The following CEACAM6 variants were observed in gnomAD, a reference collection of about 807,000 sequenced individuals.
The protein encoded by CEACAM6 is CEA cell adhesion molecule 6.
Under a neutral mutation model 32.4 loss-of-function variants are expected in CEACAM6, and 21 were observed. The ratio of observed to expected loss-of-function variants is 0.65; its 90% CI spans 0.46 to 0.93. The LOEUF (loss-of-function observed/expected upper bound fraction) is 0.93. Ranked by LOEUF, CEACAM6 falls within the 40% of genes least tolerant of loss-of-function variation. The pLI is 0.00. For synonymous variants in CEACAM6, 184 were observed against 174.4 expected (o/e 1.06, Z -0.43); for missense variants, 406 against 432.2 (o/e 0.94, Z 0.54).
rs1369898243 is a variant in CEACAM6 at position 41,761,320 on chromosome 19, A to C, written c.496A>C (p.Thr166Pro). 1 of 1,613,998 alleles carries C rather than the reference A, an allele frequency of 6.2e-7. No individual in the cohort carries two copies. The highest frequency in any genetic ancestry group is 8.5e-7 in the Non-Finnish European group (1 of 1,180,024). The change falls in exon 3 of 6, where the codon ACC (threonine) becomes CCC (proline). Residue 166 changes from threonine (T) to proline (P), a missense_variant. By Grantham distance (38) the Thr-to-Pro change is conservative (BLOSUM62 -1). Transcript: ENST00000199764. ...GGAGGACAAGGATGCTGTGGCCTTC[A>C]CCTGTGAACCTGAGGTTCAGAACAC... ...PVEDKDAVAF[T>P]CEPEVQNTTY... is the part of the protein sequence containing the mutation.
chr19:41,769,235 G>A lies in CEACAM6; in HGVS notation c.*41-1567G>A, dbSNP rs570784616. Among the ~76,000 whole-genome samples, 78 of 152,178 alleles carry A rather than the reference G, an allele frequency of 5.1e-4. 1 individual carries two copies. The highest frequency in any genetic ancestry group is 1.7e-3 in the African/African-American group (71 of 41,524). ...GCTCGGATTACAGGCATGAACCACC[G>A]CGCCCAGCCCCGACAATTATTTTGA... On this transcript the variant is annotated intron_variant, in intron 5 of 5. Transcript: ENST00000199764.
intron 5 of CEACAM6, among the ~76,000 whole-genome samples, chr19:41,768,628 C>T (rs1435047952): frequency 2.0e-5 from 3 of 149,204 alleles, no homozygotes; most frequent in Non-Finnish European, 3.0e-5. Context: ...ACCTCCCAGA[C>T]GGGGTGGTGG....
At chr19:41,761,102 C>A in intron 2 of CEACAM6, 147 bp from the exon 3 acceptor site, 1 of 1,452,514 alleles carries the variant, frequency 6.9e-7, no homozygotes, top group Non-Finnish European at 9.3e-7. Flanking sequence ...AATCATCGTG[C>A]ATCTGTTGTG....
intron 5 of CEACAM6, among the ~76,000 whole-genome samples, chr19:41,768,271 G>A (rs1555822568): frequency 1.3e-5 from 2 of 152,044 alleles, no homozygotes; most frequent in Non-Finnish European, 1.5e-5. Flanking sequence ...TGTGTCCCTG[G>A]GTACTTGAGA....
chr19:41,761,095 C>T (rs1423183700), intron 2 of CEACAM6, among the ~76,000 whole-genome samples, 154 bp from the exon 3 acceptor site: 3 of 152,206 alleles, frequency 2.0e-5, no homozygotes, highest in Non-Finnish European at 4.4e-5. Flanking sequence ...GCCCTCAAAT[C>T]ATCGTGCATC....
chr19:41,762,659 T>C lies in CEACAM6; in HGVS notation c.958+436T>C, dbSNP rs2072933763. Among the ~76,000 whole-genome samples, 3 of 152,150 alleles carry C rather than the reference T, an allele frequency of 2.0e-5. No individual in the cohort carries two copies. The South Asian group carries it at 6.2e-4, about 32-fold the overall frequency. ...TTGAAATGAGCTCACACTTTTTCCT[T>C]AAATGAGAAGAGGAAGCCCCTTGGG... On this transcript the variant is annotated intron_variant, in intron 4 of 5. Transcript: ENST00000199764.
In CEACAM6 at chr19:41,766,074, T is replaced by C. The variant is rs561839573; in HGVS notation, c.959-109T>C. ...AATTGCAACTTTCCCACAAAACTAG[T>C]GTATTCCTTGAAGGAACAAGTCAAG... is the stretch of plus-strand genomic sequence containing the variant. On this transcript the variant is annotated intron_variant, in intron 4 of 5. Transcript: ENST00000199764. 5 of 651,854 alleles carry C rather than the reference T, an allele frequency of 7.7e-6. No individual in the cohort carries two copies. In the Admixed American group the frequency reaches 1.3e-4, roughly 16 times the overall value. 40.4% of individuals were successfully genotyped at this position (651,854 alleles called of 1,614,324 possible). A position where few individuals can be genotyped will look rare whatever the true frequency, so the allele number is the denominator to read the frequency against.
At chr19:41,767,850 C>CT (rs2072965347) in intron 5 of CEACAM6, among the ~76,000 whole-genome samples, 2 of 151,862 alleles carry the variant, frequency 1.3e-5, no homozygotes, top group South Asian at 4.2e-4. Context: ...GAAACAGAAA[C>CT]TAAAAGGAAA....
intron 2 of CEACAM6, among the ~76,000 whole-genome samples, chr19:41,759,804 A>G (rs1555821595): frequency 6.6e-6 from 1 of 152,190 alleles, no homozygotes; most frequent in African/African-American, 2.4e-5. Flanking sequence ...ATGAGGTCTA[A>G]ACTCCTGACA....
In CEACAM6 at chr19:41,756,674, G is replaced by A; in HGVS notation, c.139G>A (p.Glu47Lys). 1 of 1,614,126 alleles carries A rather than the reference G, an allele frequency of 6.2e-7. No individual in the cohort carries two copies. The highest frequency in any genetic ancestry group is 1.3e-5 in the African/African-American group (1 of 75,004). The part of the protein sequence containing the change: ...TIESTPFNVA[E>K]GKEVLLLAHN... ...TGAATCCACGCCGTTCAATGTCGCA[G>A]AGGGGAAGGAGGTTCTTCTACTCGC... Residue 47 changes from glutamate (E) to lysine (K), a missense_variant, in exon 2 of 6, where the codon GAG (glutamate) becomes AAG (lysine). Transcript: ENST00000199764.
At chr19:41,763,229 A>T (rs1192984572) in intron 4 of CEACAM6, among the ~76,000 whole-genome samples, 2 of 152,042 alleles carry the variant, frequency 1.3e-5, no homozygotes, top group Non-Finnish European at 2.9e-5. Flanking sequence ...TCCTCCCAAA[A>T]TGAAACTCTG....
chr19:41,770,855 G>C lies in CEACAM6; in HGVS notation c.*94G>C, dbSNP rs1555822917. The C allele has an allele frequency of 6.5e-6, 1 of 153,228 alleles. No individual in the cohort carries two copies. The highest frequency in any genetic ancestry group is 2.4e-5 in the African/African-American group (1 of 41,380). The allele number at this position is 153,228 out of a possible 1,614,324, so 9.5% of individuals were successfully genotyped here. On this transcript the variant is annotated 3_prime_UTR_variant, in exon 6 of 6. Transcript: ENST00000199764. ...TCCTCCAATCCCATTTTATCCCATG[G>C]AACCACTAAAAACAAGGTCTGCTCT... is the stretch of plus-strand genomic sequence containing the variant.
intron 4 of CEACAM6, among the ~76,000 whole-genome samples, chr19:41,762,792 A>C (rs2072934715): frequency 6.6e-6 from 1 of 152,170 alleles, no homozygotes; most frequent in Non-Finnish European, 1.5e-5. Flanking sequence ...GCATATGGAG[A>C]AGGTGCCCAG....
chr19:41,765,552 G>A (rs1555822318), intron 4 of CEACAM6, among the ~76,000 whole-genome samples: 1 of 152,218 alleles, frequency 6.6e-6, no homozygotes, highest in African/African-American at 2.4e-5. Context: ...AGCAGTGACA[G>A]GAGAGCCTAA....
chr19:41,760,215 A>G (rs1555821657), intron 2 of CEACAM6, among the ~76,000 whole-genome samples: 2 of 152,330 alleles, frequency 1.3e-5, no homozygotes, highest in East Asian at 3.9e-4. Flanking sequence ...CTCTGATTCC[A>G]TGAGTGTGAC....
chr19:41,758,489 C>T (rs1215136621), intron 2 of CEACAM6, among the ~76,000 whole-genome samples: 2 of 152,176 alleles, frequency 1.3e-5, no homozygotes, highest in African/African-American at 4.8e-5. Flanking sequence ...TTCCATCCCT[C>T]TGAACCCCTG....
Position 41,762,131 on chromosome 19 carries a change from T to C in CEACAM6, c.866T>C (p.Ile289Thr). ...ACACAAGAGCTCTTTATCCCCAACA[T>C]CACTGTGAATAATAGCGGATCCTAT... ...QSTQELFIPN[I>T]TVNNSGSYMC... Residue 289 changes from isoleucine to threonine, a missense_variant, in exon 4 of 6, where the codon ATC becomes ACC. Physicochemically the swap from Ile to Thr is moderately conservative, Grantham distance 89. Coordinates refer to ENST00000199764, the MANE Select transcript of CEACAM6 (RefSeq NM_002483.7). 1 of 1,614,134 alleles carries C rather than the reference T, an allele frequency of 6.2e-7. No individual in the cohort carries two copies. The highest frequency in any genetic ancestry group is 1.3e-5 in the African/African-American group (1 of 75,014).
intron 3 of CEACAM6, 138 bp downstream of exon 3, chr19:41,761,665 A>G: frequency 7.1e-7 from 1 of 1,410,578 alleles, no homozygotes; most frequent in Non-Finnish European, 9.7e-7. Flanking sequence ...CCCTGAGCAA[A>G]CCTGGGCAGA....
At position 41,756,749 on chromosome 19, in the gene CEACAM6, A is replaced by G. The variant is rs376349234; in HGVS notation, c.214A>G (p.Arg72Gly). Residue 72 changes from arginine (R) to glycine (G), a missense_variant, in exon 2 of 6, where the codon AGA (arginine) becomes GGA (glycine). By Grantham distance (125) the Arg-to-Gly change is moderately radical. Coordinates refer to ENST00000199764, the MANE Select transcript of CEACAM6 (RefSeq NM_002483.7). ...RIGYSWYKGERVDGNSLIVGY... is the reference protein window; with the variant it reads ...RIGYSWYKGEGVDGNSLIVGY... Reference sequence around the variant, plus strand: ...TGGTTACAGCTGGTACAAAGGCGAAAGAGTGGATGGCAACAGTCTAATTGT... The same window carrying G: ...TGGTTACAGCTGGTACAAAGGCGAAGGAGTGGATGGCAACAGTCTAATTGT... The G allele has an allele frequency of 2.6e-5, 42 of 1,614,146 alleles. No individual in the cohort carries two copies. The East Asian group carries it at 2.7e-4, about 10-fold the overall frequency.
Sources: allele counts gnomAD v4.1 joint callset (sites outside exome capture counted in the v4.1 genomes callset), GRCh38; gene constraint gnomAD v4.1.1; transcripts MANE v1.5; gene names NCBI Gene and HGNC (gene_info 2026-07-23, HGNC 2026-07-21).